Variants in MBD5 observed in about 807,000 individuals in gnomAD.
MBD5 encodes methyl-CpG-binding domain protein 5.
In MBD5, 13 loss-of-function variants were observed where a neutral mutation model predicts 117.3. The observed-to-expected ratio is 0.11, with a 90% CI of 0.07 to 0.18. MBD5 has a LOEUF of 0.18. Among genes scored for constraint, MBD5 ranks in the 10% least tolerant of loss-of-function variants. The pLI, the probability that MBD5 is intolerant of heterozygous loss-of-function variation, is 1.00. For missense variants in MBD5, 1,879 were observed against 2,093.8 expected (o/e 0.90, Z 2.00); for synonymous variants, 727 against 766.4 (o/e 0.95, Z 0.85).
chr2:148,177,985 G>A (rs550274284), intron 1 of MBD5, among the ~76,000 whole-genome samples: 1 of 152,296 alleles, frequency 6.6e-6, no homozygotes, highest in African/African-American at 2.4e-5. Flanking sequence ...GGGAGACCCT[G>A]TCTCAAAACA....
intron 3 of MBD5, among the ~76,000 whole-genome samples, chr2:148,277,361 T>C (rs542540628): frequency 3.0e-4 from 45 of 152,302 alleles, no homozygotes; most frequent in African/African-American, 1.1e-3. Flanking sequence ...ATTTAAATTT[T>C]ACCAGAGAAA....
intron 4 of MBD5, among the ~76,000 whole-genome samples, chr2:148,445,673 A>G (rs1410942116): frequency 6.6e-6 from 1 of 151,358 alleles, no homozygotes; most frequent in Non-Finnish European, 1.5e-5. Flanking sequence ...TGCTGGGTCA[A>G]ATGGTATTTC....
At chr2:148,087,798 C>T (rs1695833418) in intron 1 of MBD5, among the ~76,000 whole-genome samples, 6 of 152,104 alleles carry the variant, frequency 3.9e-5, no homozygotes, top group Admixed American at 3.9e-4. Context: ...GATAATATGA[C>T]AAAACTAGGT....
In MBD5 at chr2:148,493,215, GA is replaced by G. The variant is rs1218182705; in HGVS notation, c.4962+2628del. Among the ~76,000 whole-genome samples, 4 of 152,056 alleles carry G rather than the reference GA, an allele frequency of 2.6e-5. No individual in the cohort carries two copies. In the East Asian group the frequency reaches 7.7e-4, roughly 29 times the overall value. The stretch of plus-strand genomic sequence containing the variant: ...TGTTTATCTTTGTAGCGTCTAGGAA[GA>G]AAAAAATTGCCAAACAATTTTCCTA... On this transcript the variant is annotated intron_variant, in intron 11 of 13. Transcript: ENST00000642680.
chr2:148,479,882 T>C (rs1681095406), intron 8 of MBD5, among the ~76,000 whole-genome samples: 1 of 152,190 alleles, frequency 6.6e-6, no homozygotes, highest in East Asian at 1.9e-4. Flanking sequence ...CCTCTTAGCA[T>C]ATTGCCTTAT....
intron 4 of MBD5, among the ~76,000 whole-genome samples, chr2:148,363,843 A>C (rs1357639238): frequency 6.6e-6 from 1 of 152,230 alleles, no homozygotes. Flanking sequence ...ATATGGGACT[A>C]TGTGAAAAGA....
At chr2:148,432,518 T>C (rs1706021806) in intron 4 of MBD5, among the ~76,000 whole-genome samples, 1 of 152,232 alleles carries the variant, frequency 6.6e-6, no homozygotes, top group African/African-American at 2.4e-5. Flanking sequence ...ATTAAGTCTT[T>C]CATCCATCTT....
intron 1 of MBD5, among the ~76,000 whole-genome samples, chr2:148,094,663 T>G (rs1574007145): frequency 6.6e-6 from 1 of 152,156 alleles, no homozygotes; most frequent in East Asian, 1.9e-4. Flanking sequence ...ATATTGATGT[T>G]TTTCCTATCA....
intron 1 of MBD5, among the ~76,000 whole-genome samples, chr2:148,112,773 T>A (rs1395017201): frequency 6.6e-6 from 1 of 151,944 alleles, no homozygotes; most frequent in Non-Finnish European, 1.5e-5. Flanking sequence ...AAAAAAAAAA[T>A]TCAATCTGGA....
At chr2:148,352,566 A>C (rs1703272293) in intron 4 of MBD5, among the ~76,000 whole-genome samples, 1 of 151,962 alleles carries the variant, frequency 6.6e-6, no homozygotes, top group Admixed American at 6.6e-5. Context: ...TCATTAATCT[A>C]TTCTCCATTC....
chr2:148,485,760 A>G lies in MBD5; in HGVS notation c.3563A>G (p.Asn1188Ser). The G allele has an allele frequency of 6.2e-7, 1 of 1,612,826 alleles. No homozygotes were observed. The highest frequency in any genetic ancestry group is 8.5e-7 in the Non-Finnish European group (1 of 1,179,108). ...ACTGTAGGTGATATGTCATCAATAA[A>G]CAATACTTTGAGTAACCATCAACTG... Reference protein sequence around the residue: ...TGLLGDMSSINNTLSNHQLTH... With the variant: ...TGLLGDMSSISNTLSNHQLTH... The change falls in exon 10 of 14, where the codon AAC becomes AGC. Residue 1188 changes from asparagine (N) to serine (S), a missense_variant. By Grantham distance (46) the Asn-to-Ser change is conservative (BLOSUM62 1). Transcript: ENST00000642680.
At chr2:148,335,776 T>C (rs1260931150) in intron 3 of MBD5, among the ~76,000 whole-genome samples, 11 of 152,040 alleles carry the variant, frequency 7.2e-5, no homozygotes, top group Admixed American at 6.6e-4. Context: ...AGAAAGAAGA[T>C]AGGTCCACCC....
At chr2:148,037,504 A>G (rs1424847654) in intron 1 of MBD5, among the ~76,000 whole-genome samples, 1 of 151,952 alleles carries the variant, frequency 6.6e-6, no homozygotes, top group African/African-American at 2.4e-5. Flanking sequence ...TGCCTTGTGA[A>G]AAATATTATT....
intron 4 of MBD5, among the ~76,000 whole-genome samples, chr2:148,361,074 G>A (rs989517707): frequency 5.9e-5 from 9 of 152,246 alleles, no homozygotes; most frequent in South Asian, 4.1e-4. Flanking sequence ...GGGGCCAGGC[G>A]TGGTGGCTCA....
At chr2:148,307,700 A>T (rs1020511487) in intron 3 of MBD5, among the ~76,000 whole-genome samples, 6 of 152,020 alleles carry the variant, frequency 3.9e-5, no homozygotes, top group African/African-American at 1.4e-4. Flanking sequence ...GTACAGGTTT[A>T]TTATATAGGT....
At chr2:148,272,681 T>G (rs1312274924) in intron 3 of MBD5, among the ~76,000 whole-genome samples, 4 of 152,194 alleles carry the variant, frequency 2.6e-5, no homozygotes, top group Non-Finnish European at 4.4e-5. Context: ...ATTTTAGATA[T>G]TAACTCCTTA....
chr2:148,401,718 A>G (rs1704927380), intron 4 of MBD5, among the ~76,000 whole-genome samples: 1 of 152,156 alleles, frequency 6.6e-6, no homozygotes, highest in South Asian at 2.1e-4. Context: ...CTAAGACATT[A>G]ACATTGGTAC....
At chr2:148,149,353 G>T (rs1472779923) in intron 1 of MBD5, among the ~76,000 whole-genome samples, 1 of 135,710 alleles carries the variant, frequency 7.4e-6, no homozygotes, top group Non-Finnish European at 1.6e-5. Flanking sequence ...TGGACATTTG[G>T]GTTGGTTCCA....
chr2:148,415,605 A>G (rs945687030), intron 4 of MBD5, among the ~76,000 whole-genome samples: 17 of 152,244 alleles, frequency 1.1e-4, no homozygotes, highest in African/African-American at 3.9e-4. Context: ...GATGCTAATG[A>G]GTCATAGATT....
Sources: gnomAD v4.1 joint callset for allele counts (sites outside exome capture counted in the v4.1 genomes callset) on GRCh38, gnomAD v4.1.1 for gene constraint, MANE v1.5 for transcripts, NCBI Gene and HGNC (gene_info 2026-07-23, HGNC 2026-07-21) for gene names.